Variants in CROCC observed in about 807,000 individuals in gnomAD.
CROCC encodes ciliary rootlet coiled-coil, rootletin.
In CROCC, 180 loss-of-function variants were observed where a neutral mutation model predicts 245.2. The ratio of observed to expected loss-of-function variants is 0.73; its 90% CI spans 0.65 to 0.83. The LOEUF (loss-of-function observed/expected upper bound fraction) is 0.83. CROCC is among the 40% of genes least tolerant of loss of function. CROCC has a pLI of 0.00. For synonymous variants in CROCC, 1,205 were observed against 1,241.6 expected (o/e 0.97, Z 0.62); for missense variants, 2,688 against 2,779.4 (o/e 0.97, Z 0.74).
intron 26 of CROCC, among the ~76,000 whole-genome samples, chr1:16,960,549 G>A (rs1420573761): frequency 2.0e-5 from 3 of 152,244 alleles, no homozygotes; most frequent in African/African-American, 7.2e-5. Flanking sequence ...TACAAGGCTT[G>A]TATAAAGAAT....
rs111318345 is a variant in CROCC at position 16,969,765 on chromosome 1, C to T, written c.5302-20C>T. ...TAGGGCTCCCAGGCCAGCCAGGCAC[C>T]ATCAGCCCCTGTCCCCCAGGAACGG... On this transcript the variant is annotated intron_variant, in intron 32 of 36. Coordinates refer to ENST00000375541, the MANE Select transcript of CROCC (RefSeq NM_014675.5). 9.0e-4 allele frequency: 1,454 copies of T among 1,607,308 alleles called. No homozygotes were observed. The highest frequency in any genetic ancestry group is 1.2e-3 in the Non-Finnish European group (1,386 of 1,177,084).
intron 32 of CROCC, 140 bp downstream of exon 32, chr1:16,969,480 G>T (rs1267774598): frequency 2.3e-5 from 21 of 905,186 alleles, no homozygotes; most frequent in Admixed American, 1.3e-4. Context: ...TGAAGGGAGG[G>T]CGTGGGCCCA....
At chr1:16,922,957 G>C (rs2075443029) in intron 2 of CROCC, among the ~76,000 whole-genome samples, 159 bp downstream of exon 2, 1 of 152,300 alleles carries the variant, frequency 6.6e-6, no homozygotes, top group Non-Finnish European at 1.5e-5. Context: ...TGAGGAAACA[G>C]AGGCTCAGGG....
At chr1:16,951,438 C>T (rs2076157767) in intron 20 of CROCC, 1 of 189,312 alleles carries the variant, frequency 5.3e-6, no homozygotes, top group Non-Finnish European at 1.1e-5. Context: ...TGAAGAGCCA[C>T]TCAGACCTCA....
intron 35 of CROCC, 40 bp from the exon 36 acceptor site, chr1:16,971,425 C>T (rs530833975): frequency 6.7e-7 from 1 of 1,503,322 alleles, no homozygotes; most frequent in African/African-American, 1.4e-5. Flanking sequence ...CACACACACT[C>T]ACACTGGGCC....
intron 8 of CROCC, among the ~76,000 whole-genome samples, chr1:16,935,623 A>G (rs1242356276): frequency 6.6e-6 from 1 of 152,310 alleles, no homozygotes; most frequent in East Asian, 1.9e-4. Context: ...ACGGGGTTTC[A>G]CCGTGATAGC....
At chr1:16,914,333 C>T (rs2075281815) in intron 1 of CROCC, among the ~76,000 whole-genome samples, 1 of 152,212 alleles carries the variant, frequency 6.6e-6, no homozygotes, top group African/African-American at 2.4e-5. Flanking sequence ...CCGCGTCCTG[C>T]CGCCCATCCT....
At chr1:16,946,111 A>T in intron 15 of CROCC, 148 bp from the exon 16 acceptor site, 1 of 757,164 alleles carries the variant, frequency 1.3e-6, no homozygotes, top group South Asian at 2.4e-5. Context: ...TTCTGCGGTG[A>T]TTTTTTTTTT....
chr1:16,939,197 G>A, intron 12 of CROCC, 55 bp downstream of exon 12: 1 of 1,310,176 alleles, frequency 7.6e-7, no homozygotes. Flanking sequence ...GGAGGGGCTC[G>A]CGCCCTCCGG....
chr1:16,927,215 A>G (rs1231624545), intron 3 of CROCC, among the ~76,000 whole-genome samples: 10 of 152,244 alleles, frequency 6.6e-5, no homozygotes, highest in Non-Finnish European at 1.2e-4. Flanking sequence ...TTAGCCGCAC[A>G]CACAGCCAGA....
chr1:16,966,511 C>T lies in CROCC; in HGVS notation c.4800C>T (p.Asp1600=), dbSNP rs1055839708. 2 of 1,527,736 alleles carry T rather than the reference C, an allele frequency of 1.3e-6. No individual in the cohort carries two copies. The highest frequency in any genetic ancestry group is 1.4e-5 in the African/African-American group (1 of 72,650). 94.6% of individuals were successfully genotyped at this position (1,527,736 alleles called of 1,614,324 possible). A position where few individuals can be genotyped will look rare whatever the true frequency, so the allele number is the denominator to read the frequency against. Residue 1600 remains aspartate, a synonymous_variant, in exon 30 of 37, where the codon GAC becomes GAT. Transcript: ENST00000375541. This position sits in a 1 kb window ranked among gnomAD's most constrained non-coding sequence, Gnocchi z 4.8. ...AGCGGGAGCGCCGGGCCACGCTGGACCAGGTGGCCACACTGGAGAGGAGCC... is the reference window on the plus strand; with the variant it reads ...AGCGGGAGCGCCGGGCCACGCTGGATCAGGTGGCCACACTGGAGAGGAGCC... The part of the protein sequence containing the change: ...RSERERRATL[D]QVATLERSLQ...
Position 16,960,953 on chromosome 1 carries a change from G to A in CROCC, c.4228G>A (p.Gly1410Ser), listed in dbSNP as rs1041869448. 3 of 1,406,410 alleles carry A rather than the reference G, an allele frequency of 2.1e-6. No individual in the cohort carries two copies. The African/African-American group carries it at 4.5e-5, about 21-fold the overall frequency. The allele number at this position is 1,406,410 out of a possible 1,614,324, so 87.1% of individuals were successfully genotyped here. ...ELGLRLSAAEGRAQGLEAELA... is the reference protein window; with the variant it reads ...ELGLRLSAAESRAQGLEAELA... ...GGGCCTGCGGCTGAGCGCAGCCGAG[G>A]GCCGGGCACAAGGCCTGGAGGCCGA... Residue 1410 changes from glycine (G) to serine (S), a missense_variant, in exon 27 of 37, where the codon GGC becomes AGC. Transcript: ENST00000375541.
intron 36 of CROCC, among the ~76,000 whole-genome samples, chr1:16,972,004 A>G (rs1043528541): frequency 6.6e-6 from 1 of 152,210 alleles, no homozygotes; most frequent in African/African-American, 2.4e-5. Context: ...CGCTCAGATC[A>G]CATACCCCTT....
At chr1:16,923,955 C>G (rs1298355690) in intron 2 of CROCC, among the ~76,000 whole-genome samples, 1 of 152,260 alleles carries the variant, frequency 6.6e-6, no homozygotes, top group Non-Finnish European at 1.5e-5. Flanking sequence ...GCTGGGATTA[C>G]AGGCGTGAGT....
chr1:16,956,432 G>A (rs2076251472), intron 25 of CROCC, among the ~76,000 whole-genome samples: 1 of 152,200 alleles, frequency 6.6e-6, no homozygotes, highest in Non-Finnish European at 1.5e-5. Context: ...AAAGGAATCT[G>A]CAAACAACAA....
chr1:16,970,258 G>T lies in CROCC; in HGVS notation c.5457G>T (p.Leu1819=). ...EGQLQQLREV[L]RQRQEGEAAA... ...CTGCCTGGCTTCTGTTGCAGGTGCT[G>T]CGGCAGCGGCAGGAGGGTGAGGCTG... Residue 1819 remains leucine (L), a synonymous_variant, in exon 34 of 37, where the codon CTG becomes CTT. Coordinates refer to ENST00000375541, the MANE Select transcript of CROCC (RefSeq NM_014675.5). 3 of 1,554,082 alleles carry T rather than the reference G, an allele frequency of 1.9e-6. No homozygotes were observed.
At chr1:16,923,106 G>C (rs528763366) in intron 2 of CROCC, among the ~76,000 whole-genome samples, 1 of 152,408 alleles carries the variant, frequency 6.6e-6, no homozygotes, top group East Asian at 1.9e-4. Flanking sequence ...GTGTGAGCTG[G>C]CTGAACCCAA....
At chr1:16,949,817 G>A (rs982247957) in intron 19 of CROCC, among the ~76,000 whole-genome samples, 4 of 150,672 alleles carry the variant, frequency 2.7e-5, no homozygotes, top group East Asian at 2.0e-4. Flanking sequence ...TTGCCCAGGC[G>A]GGAGTGCAAT....
At position 16,940,058 on chromosome 1, in the gene CROCC, G is replaced by A. The variant is rs761411085; in HGVS notation, c.1773G>A (p.Val591=). Residue 591 remains valine, a synonymous_variant, in exon 13 of 37, where the codon GTG becomes GTA. Coordinates refer to ENST00000375541, the MANE Select transcript of CROCC (RefSeq NM_014675.5). ...CCCACGAGGACGCCCAGCGCGAGGT[G>A]CAGCGGCTGCGGAGCGCCAACGAGC... The part of the protein sequence containing the change: ...MQAHEDAQRE[V]QRLRSANELL... 1.2e-6 allele frequency: 2 copies of A among 1,608,974 alleles called. No homozygotes were observed. Among genetic ancestry groups the A allele is most frequent in the Middle Eastern group, 2.1e-4 (1 of 4,866 alleles).
Sources: gnomAD v4.1 joint callset for allele counts (sites outside exome capture counted in the v4.1 genomes callset) on GRCh38, gnomAD v4.1.1 for gene constraint, Gnocchi (gnomAD v3.1) non-coding constraint, MANE v1.5 for transcripts, NCBI Gene and HGNC (gene_info 2026-07-23, HGNC 2026-07-21) for gene names.